The following DSCAM variants were observed in gnomAD, a reference collection of about 807,000 sequenced individuals.
DSCAM encodes the protein cell adhesion molecule DSCAM.
A neutral mutation model predicts 217.7 loss-of-function variants in DSCAM; 47 were observed. The observed-to-expected ratio is 0.22, with a 90% CI of 0.17 to 0.28. The LOEUF (loss-of-function observed/expected upper bound fraction) is 0.28, where lower values mean the gene tolerates loss of function less well. DSCAM is among the 10% of genes least tolerant of loss of function. The pLI, the probability that DSCAM is intolerant of heterozygous loss-of-function variation, is 1.00. For synonymous variants in DSCAM, 1,056 were observed against 1,015.3 expected (o/e 1.04, Z -0.76); for missense variants, 2,080 against 2,618.3 (o/e 0.79, Z 4.49).
chr21:40,055,372 T>A (rs961092070), intron 29 of DSCAM, among the ~76,000 whole-genome samples: 2 of 152,140 alleles, frequency 1.3e-5, no homozygotes, highest in Non-Finnish European at 2.9e-5. Context: ...GGCTTTAGAG[T>A]GCAGGCCTTC....
intron 16 of DSCAM, among the ~76,000 whole-genome samples, chr21:40,160,104 T>C (rs1390225903): frequency 2.0e-5 from 3 of 152,296 alleles, no homozygotes; most frequent in East Asian, 1.9e-4. Flanking sequence ...ACATCCGTTA[T>C]CCTCTATGGC....
At chr21:40,487,256 CCTCTCTCTCT>C (rs59987844) in intron 3 of DSCAM, among the ~76,000 whole-genome samples, 1 of 143,714 alleles carries the variant, frequency 7.0e-6, no homozygotes, top group African/African-American at 2.5e-5. Context: ...TCTTTCTCTC[CCTCTCTCTCT>C]CTCTCTCTGT....
At chr21:40,141,674 G>A (rs935256731) in intron 18 of DSCAM, among the ~76,000 whole-genome samples, 1 of 152,078 alleles carries the variant, frequency 6.6e-6, no homozygotes, top group Non-Finnish European at 1.5e-5. Context: ...GACGGGGGGT[G>A]CAGGAGGGGG....
chr21:40,099,776 T>C (rs1332064042), intron 20 of DSCAM, among the ~76,000 whole-genome samples: 5 of 152,156 alleles, frequency 3.3e-5, no homozygotes, highest in African/African-American at 1.2e-4. Flanking sequence ...AGTCATCCAT[T>C]TCCAGGCTCC....
intron 3 of DSCAM, among the ~76,000 whole-genome samples, chr21:40,463,218 G>A (rs773236573): frequency 1.2e-4 from 18 of 151,842 alleles, no homozygotes; most frequent in Admixed American, 2.0e-4. Flanking sequence ...ATAATGGCTT[G>A]CAAGCAAGGA....
At chr21:40,143,111 T>G (rs1258928469) in intron 17 of DSCAM, among the ~76,000 whole-genome samples, 1 of 152,200 alleles carries the variant, frequency 6.6e-6, no homozygotes, top group Non-Finnish European at 1.5e-5. Context: ...ACCTCTGTAT[T>G]TAGTAATATC....
intron 27 of DSCAM, among the ~76,000 whole-genome samples, chr21:40,069,132 A>G (rs4818115): frequency 0.23 from 34,340 of 151,858 alleles, 5,068 homozygotes; most frequent in African/African-American, 0.39. Flanking sequence ...TTGGGGCATC[A>G]TAATGGGCAG....
chr21:40,643,520 G>T (rs1404799629), intron 3 of DSCAM, among the ~76,000 whole-genome samples: 1 of 152,208 alleles, frequency 6.6e-6, no homozygotes, highest in Admixed American at 6.5e-5. Context: ...AGAGTGGACT[G>T]CAAAGCTCTG....
intron 14 of DSCAM, among the ~76,000 whole-genome samples, chr21:40,185,002 T>G (rs187376131): frequency 8.0e-4 from 122 of 152,250 alleles, no homozygotes; most frequent in Non-Finnish European, 1.3e-3. Context: ...TTCCATTGAG[T>G]GTCTCCACAT....
Position 40,347,665 on chromosome 21 carries a change from C to A in DSCAM, c.1210+5G>T. 1 of 1,613,400 alleles carries A rather than the reference C, an allele frequency of 6.2e-7. No homozygotes were observed. The highest frequency in any genetic ancestry group is 8.5e-7 in the Non-Finnish European group (1 of 1,179,828). Reference sequence around the variant, plus strand: ...CAGCCATACCCTGAAACGAGGCCCACTGACCTTCAAGGACCACCTGCACAT... The same window carrying A: ...CAGCCATACCCTGAAACGAGGCCCAATGACCTTCAAGGACCACCTGCACAT... On this transcript the variant is annotated splice_donor_5th_base_variant and intron_variant, in intron 6 of 32. Coordinates refer to ENST00000400454, the MANE Select transcript of DSCAM (RefSeq NM_001389.5).
intron 3 of DSCAM, among the ~76,000 whole-genome samples, chr21:40,668,792 C>T (rs1043952778): frequency 6.6e-6 from 1 of 151,994 alleles, no homozygotes; most frequent in Non-Finnish European, 1.5e-5. Flanking sequence ...AACAGCTTTC[C>T]TGGAAGATGA....
At chr21:40,690,375 G>T (rs2090526269) in intron 3 of DSCAM, among the ~76,000 whole-genome samples, 1 of 152,182 alleles carries the variant, frequency 6.6e-6, no homozygotes, top group East Asian at 1.9e-4. Flanking sequence ...TTCGACTCAG[G>T]TTGAACGACC....
chr21:40,425,020 C>T (rs1244414483), intron 3 of DSCAM, among the ~76,000 whole-genome samples: 1 of 152,012 alleles, frequency 6.6e-6, no homozygotes, highest in East Asian at 1.9e-4. Context: ...ATTGCTTGAA[C>T]CTGGGGGGTG....
At chr21:40,744,422 A>G (rs1402834796) in intron 1 of DSCAM, among the ~76,000 whole-genome samples, 8 of 152,204 alleles carry the variant, frequency 5.3e-5, no homozygotes, top group Non-Finnish European at 1.2e-4. Context: ...TCAGGTGCTC[A>G]TGTGGAGTCT....
intron 1 of DSCAM, among the ~76,000 whole-genome samples, chr21:40,782,670 C>T (rs1301793371): frequency 6.6e-6 from 1 of 151,998 alleles, no homozygotes; most frequent in East Asian, 1.9e-4. Context: ...GTTGAGGTTG[C>T]AGGGAGGCAT....
intron 3 of DSCAM, among the ~76,000 whole-genome samples, chr21:40,412,623 C>T (rs1403808555): frequency 6.6e-6 from 1 of 152,174 alleles, no homozygotes; most frequent in Non-Finnish European, 1.5e-5. Context: ...GCAAAGCATT[C>T]AAGATGTGAC....
chr21:40,134,430 T>C (rs546491423), intron 18 of DSCAM, among the ~76,000 whole-genome samples: 20 of 152,324 alleles, frequency 1.3e-4, no homozygotes, highest in African/African-American at 3.6e-4. Flanking sequence ...ATTAGGAAGC[T>C]TCTGCAAGCT....
intron 15 of DSCAM, among the ~76,000 whole-genome samples, chr21:40,170,885 C>T (rs915739946): frequency 6.6e-6 from 1 of 152,166 alleles, no homozygotes; most frequent in Non-Finnish European, 1.5e-5. Flanking sequence ...TGGGGCATGG[C>T]CTTTGGTGTG....
intron 8 of DSCAM, among the ~76,000 whole-genome samples, chr21:40,335,166 G>C (rs1368855576): frequency 2.6e-5 from 4 of 152,024 alleles, no homozygotes; most frequent in Non-Finnish European, 5.9e-5. Context: ...TTTCCAGGCA[G>C]CTTTTCCCGA....
Sources: gnomAD v4.1 joint callset for allele counts (sites outside exome capture counted in the v4.1 genomes callset) on GRCh38, gnomAD v4.1.1 for gene constraint, MANE v1.5 for transcripts, NCBI Gene and HGNC (gene_info 2026-07-23, HGNC 2026-07-21) for gene names.